CSMD1: variants seen among roughly 807,000 people sequenced by gnomAD.
CSMD1 encodes CUB and sushi domain-containing protein 1.
CSMD1 carries 213 observed loss-of-function variants against 417.5 expected under a neutral mutation model. That is an observed-to-expected ratio of 0.51 (90% CI 0.46 to 0.57). The LOEUF (loss-of-function observed/expected upper bound fraction) is 0.57. CSMD1 is among the 20% of genes least tolerant of loss of function. The probability of loss-of-function intolerance (pLI) is 0.00; values close to 1 mark genes in which losing one functional copy is unlikely to be tolerated. For synonymous variants in CSMD1, 2,862 were observed against 1,736.8 expected (o/e 1.65, Z -16.11); for missense variants, 6,923 against 4,529.7 (o/e 1.53, Z -15.17).
At chr8:4,642,425 C>T (rs913115676) in intron 1 of CSMD1, among the ~76,000 whole-genome samples, 6 of 152,168 alleles carry the variant, frequency 3.9e-5, no homozygotes, top group Admixed American at 1.3e-4. Flanking sequence ...GGCTGTTGCT[C>T]TGTAATTCGT....
intron 3 of CSMD1, among the ~76,000 whole-genome samples, chr8:4,119,113 A>C (rs1802331542): frequency 6.6e-6 from 1 of 152,108 alleles, no homozygotes; most frequent in Non-Finnish European, 1.5e-5. Flanking sequence ...AAGAGAAGGG[A>C]GATCATTAGG....
intron 1 of CSMD1, among the ~76,000 whole-genome samples, chr8:4,781,480 C>G (rs765281038): frequency 2.6e-5 from 4 of 152,182 alleles, no homozygotes; most frequent in Non-Finnish European, 4.4e-5. Flanking sequence ...GCAACATAAT[C>G]TCAGACACCA....
chr8:4,804,343 T>C (rs1392287355), intron 1 of CSMD1, among the ~76,000 whole-genome samples: 4 of 152,150 alleles, frequency 2.6e-5, no homozygotes, highest in African/African-American at 9.7e-5. Flanking sequence ...GTTCAGAAAT[T>C]TTAAATATAA....
intron 18 of CSMD1, among the ~76,000 whole-genome samples, chr8:3,379,899 G>T (rs1397563114): frequency 6.6e-6 from 1 of 152,082 alleles, no homozygotes; most frequent in African/African-American, 2.4e-5. Context: ...ATAGACAAAT[G>T]GGATATAATT....
intron 23 of CSMD1, among the ~76,000 whole-genome samples, chr8:3,320,461 A>G (rs993035505): frequency 6.6e-6 from 1 of 152,186 alleles, no homozygotes; most frequent in Admixed American, 6.5e-5. Flanking sequence ...ATCCATGTAA[A>G]TATAAGGGAT....
chr8:4,022,630 T>G (rs534593630), intron 4 of CSMD1, among the ~76,000 whole-genome samples: 3 of 152,240 alleles, frequency 2.0e-5, no homozygotes, highest in South Asian at 4.2e-4. Flanking sequence ...GAAACCATTC[T>G]GGAACCCTCT....
intron 54 of CSMD1, among the ~76,000 whole-genome samples, chr8:2,987,254 T>A (rs1234253730): frequency 1.3e-5 from 2 of 151,884 alleles, no homozygotes; most frequent in Non-Finnish European, 2.9e-5. Flanking sequence ...TTTATAAGGA[T>A]AATTCTTGAC....
At chr8:4,093,155 T>C (rs1182579730) in intron 3 of CSMD1, among the ~76,000 whole-genome samples, 1 of 152,202 alleles carries the variant, frequency 6.6e-6, no homozygotes, top group African/African-American at 2.4e-5. Flanking sequence ...TATTGACTGT[T>C]TGCAGGTTTA....
chr8:4,100,652 T>C (rs1369015677), intron 3 of CSMD1, among the ~76,000 whole-genome samples: 4 of 152,130 alleles, frequency 2.6e-5, no homozygotes, highest in African/African-American at 9.7e-5. Context: ...ATCATTTCGA[T>C]GATGGAAAAA....
At chr8:3,097,758 C>T (rs549904173) in intron 46 of CSMD1, among the ~76,000 whole-genome samples, 4 of 151,704 alleles carry the variant, frequency 2.6e-5, no homozygotes, top group East Asian at 1.9e-4. Context: ...AACCTCGGAT[C>T]GGGGGTGGGG....
chr8:4,280,518 A>T (rs997894902), intron 3 of CSMD1, among the ~76,000 whole-genome samples: 1 of 152,206 alleles, frequency 6.6e-6, no homozygotes, highest in African/African-American at 2.4e-5. Context: ...ATATACAAGC[A>T]AATTGTTTAC....
chr8:3,781,222 T>C (rs998335428), intron 5 of CSMD1, among the ~76,000 whole-genome samples: 22 of 152,058 alleles, frequency 1.4e-4, no homozygotes, highest in Admixed American at 9.8e-4. Context: ...ATTTAAAAAA[T>C]TGCACCTGTT....
At chr8:3,252,350 A>T (rs1800335732) in intron 26 of CSMD1, among the ~76,000 whole-genome samples, 1 of 152,148 alleles carries the variant, frequency 6.6e-6, no homozygotes, top group East Asian at 1.9e-4. Flanking sequence ...TTCTGTTTAT[A>T]TGCTGGATTA....
chr8:3,253,066 G>A (rs1245111363), intron 26 of CSMD1, among the ~76,000 whole-genome samples: 3 of 151,926 alleles, frequency 2.0e-5, no homozygotes, highest in Non-Finnish European at 4.4e-5. Flanking sequence ...CTTTCCTTCT[G>A]CTAGCTTTTG....
At chr8:4,157,982 G>C (rs1401730997) in intron 3 of CSMD1, among the ~76,000 whole-genome samples, 2 of 152,098 alleles carry the variant, frequency 1.3e-5, no homozygotes, top group African/African-American at 4.8e-5. Context: ...TTGGCCAACT[G>C]TTGCTAGGAC....
At chr8:4,220,095 A>G (rs887936545) in intron 3 of CSMD1, among the ~76,000 whole-genome samples, 4 of 152,118 alleles carry the variant, frequency 2.6e-5, no homozygotes, top group African/African-American at 9.7e-5. Flanking sequence ...GATTACAGGC[A>G]CGTGCCACCA....
At chr8:4,032,484 T>G (rs988629836) in intron 3 of CSMD1, among the ~76,000 whole-genome samples, 6 of 152,188 alleles carry the variant, frequency 3.9e-5, no homozygotes, top group African/African-American at 9.6e-5. Flanking sequence ...TCTAAAACAG[T>G]GGCATAAGAA....
intron 5 of CSMD1, among the ~76,000 whole-genome samples, chr8:3,828,619 C>CCAATCCCA (rs1802192702): frequency 1.3e-5 from 2 of 152,072 alleles, no homozygotes; most frequent in Non-Finnish European, 1.5e-5. Flanking sequence ...TCTTCCTGTC[C>CCAATCCCA]CAATCCCAGT....
chr8:3,517,340 G>T (rs756722922), intron 10 of CSMD1, among the ~76,000 whole-genome samples: 12 of 152,190 alleles, frequency 7.9e-5, no homozygotes, highest in Non-Finnish European at 1.2e-4. Context: ...TAAAATTTAA[G>T]GAAACAAGCA....
Sources: allele counts gnomAD v4.1 joint callset (sites outside exome capture counted in the v4.1 genomes callset), GRCh38; gene constraint gnomAD v4.1.1; transcripts MANE v1.5; gene names NCBI Gene and HGNC (gene_info 2026-07-23, HGNC 2026-07-21).